TCF24: variants seen among roughly 807,000 people sequenced by gnomAD.
TCF24 encodes transcription factor 24.
A neutral mutation model predicts 9.3 loss-of-function variants in TCF24; 5 were observed. That is an observed-to-expected ratio of 0.54 (90% CI 0.28 to 1.13). The LOEUF is 1.13. TCF24 is among the 50% of genes most tolerant of loss of function. TCF24 has a pLI of 0.09. For synonymous variants in TCF24, 110 were observed against 115.8 expected (o/e 0.95, Z 0.32); for missense variants, 220 against 236.1 (o/e 0.93, Z 0.45).
At chr8:66,961,336 G>C (rs1380310955) in intron 3 of TCF24, 40 bp downstream of exon 3, 3 of 1,415,390 alleles carry the variant, frequency 2.1e-6, no homozygotes, top group Admixed American at 2.8e-5. Flanking sequence ...AAGGTGTCCT[G>C]GTCTCGGCCC....
Position 66,947,939 on chromosome 8 carries a change from CA to C in TCF24, c.*111del. On this transcript the variant is annotated 3_prime_UTR_variant, in exon 4 of 4. Coordinates refer to ENST00000563496, the MANE Select transcript of TCF24 (RefSeq NM_001193502.2). ...AAACCTGAACATCCAACTATGGGTT[CA>C]CATGTAAACTTTCAGAAATTTTGTT... The C allele has an allele frequency of 1.4e-6, 1 of 698,022 alleles. No individual in the cohort carries two copies. The highest frequency in any genetic ancestry group is 2.2e-6 in the Non-Finnish European group (1 of 444,664). 43.2% of individuals were successfully genotyped at this position (698,022 alleles called of 1,614,324 possible). A position where few individuals can be genotyped will look rare whatever the true frequency, so the allele number is the denominator to read the frequency against.
intron 3 of TCF24, among the ~76,000 whole-genome samples, chr8:66,954,333 G>A (rs1814112775): frequency 1.3e-5 from 2 of 151,844 alleles, no homozygotes; most frequent in African/African-American, 2.4e-5. Context: ...TCAGCTGCAG[G>A]TCTGTTGGAA....
intron 3 of TCF24, among the ~76,000 whole-genome samples, chr8:66,958,785 A>G (rs541155864): frequency 5.3e-5 from 8 of 152,242 alleles, no homozygotes; most frequent in Admixed American, 2.0e-4. Flanking sequence ...GCACAATAAT[A>G]AAGTCATCTG....
chr8:66,948,661 AT>A (rs1433531533), intron 3 of TCF24, among the ~76,000 whole-genome samples: 46 of 124,116 alleles, frequency 3.7e-4, no homozygotes, highest in African/African-American at 9.8e-4. Context: ...TCAACTATCT[AT>A]CTATCTATCT....
At position 66,947,494 on chromosome 8, in the gene TCF24, C is replaced by G. The variant is rs933562611; in HGVS notation, c.*557G>C. The G allele has an allele frequency of 1.3e-5, 2 of 152,284 alleles. No individual in the cohort carries two copies. Among genetic ancestry groups the G allele is most frequent in the Non-Finnish European group, 1.5e-5 (1 of 68,128 alleles). 9.4% of individuals were successfully genotyped at this position (152,284 alleles called of 1,614,324 possible). A position where few individuals can be genotyped will look rare whatever the true frequency, so the allele number is the denominator to read the frequency against. ...TCTAGGAAGGTGACCAAGCCCTGTC[C>G]TCTGAGCAAACCATTTCTAATACTC... is the stretch of plus-strand genomic sequence containing the variant. On this transcript the variant is annotated 3_prime_UTR_variant, in exon 4 of 4. Transcript: ENST00000563496.
intron 3 of TCF24, among the ~76,000 whole-genome samples, chr8:66,949,281 AGT>A (rs1814018737): frequency 1.3e-5 from 2 of 151,114 alleles, no homozygotes; most frequent in African/African-American, 4.9e-5. Flanking sequence ...CAGTCCCCAG[AGT>A]GTGATATTCC....
chr8:66,950,619 T>C (rs1814043825), intron 3 of TCF24, among the ~76,000 whole-genome samples: 1 of 152,168 alleles, frequency 6.6e-6, no homozygotes, highest in Non-Finnish European at 1.5e-5. Context: ...TTTTTCCAAT[T>C]CTGTGAAGAA....
At chr8:66,961,333 C>T (rs1278789439) in intron 3 of TCF24, 43 bp downstream of exon 3, 9 of 1,410,986 alleles carry the variant, frequency 6.4e-6, no homozygotes, top group African/African-American at 1.5e-5. Context: ...ATCAAGGTGT[C>T]CTGGTCTCGG....
rs1814252375 is a variant in TCF24, at chr8:66,961,480, T to C, written c.286A>G (p.Thr96Ala). ...CTGCGGGTGAGATGCGCGATGTAGG[T>C]GGTGGCCAGCAGCAGCACGTCCAGC... is the stretch of plus-strand genomic sequence containing the variant. Reference protein sequence around the residue: ...SKLDVLLLATTYIAHLTRSLQ... With the variant: ...SKLDVLLLATAYIAHLTRSLQ... The change falls in exon 3 of 4, where the codon ACC (threonine) becomes GCC (alanine). Residue 96 changes from threonine to alanine, a missense_variant. By Grantham distance (58) the Thr-to-Ala change is moderately conservative. Transcript: ENST00000563496. The C allele has an allele frequency of 6.5e-7, 1 of 1,527,844 alleles. No individual in the cohort carries two copies. Among genetic ancestry groups the C allele is most frequent in the Admixed American group, 2.0e-5 (1 of 50,562 alleles). The allele number at this position is 1,527,844 out of a possible 1,614,324, so 94.6% of individuals were successfully genotyped here.
chr8:66,948,968 T>G (rs1038330409), intron 3 of TCF24, among the ~76,000 whole-genome samples: 3 of 152,204 alleles, frequency 2.0e-5, no homozygotes, highest in African/African-American at 7.2e-5. Context: ...AGTGCTGGGA[T>G]TACAGGCGTG....
intron 3 of TCF24, among the ~76,000 whole-genome samples, chr8:66,960,094 G>T (rs1814228237): frequency 6.6e-6 from 1 of 152,038 alleles, no homozygotes; most frequent in South Asian, 2.1e-4. Context: ...CAAGTCAAAA[G>T]AAATTTAATA....
Position 66,946,901 on chromosome 8 carries a change from G to A in TCF24, c.*1150C>T, listed in dbSNP as rs1412545724. On this transcript the variant is annotated 3_prime_UTR_variant, in exon 4 of 4. Coordinates refer to ENST00000563496, the MANE Select transcript of TCF24 (RefSeq NM_001193502.2). Reference sequence around the variant, plus strand: ...AAATCATTTTTCTGAAATTCTTGCTGTTAAATTTAGTGTTTACAATTCAGT... The same window carrying A: ...AAATCATTTTTCTGAAATTCTTGCTATTAAATTTAGTGTTTACAATTCAGT... 6.6e-6 allele frequency: 1 copy of A among 152,104 alleles called. No homozygotes were observed. The highest frequency in any genetic ancestry group is 1.5e-5 in the Non-Finnish European group (1 of 68,010). The allele number at this position is 152,104 out of a possible 1,614,324, so 9.4% of individuals were successfully genotyped here. A position where few individuals can be genotyped will look rare whatever the true frequency, so the allele number is the denominator to read the frequency against.
chr8:66,957,371 C>G (rs530253193), intron 3 of TCF24, among the ~76,000 whole-genome samples: 35 of 143,994 alleles, frequency 2.4e-4, no homozygotes, highest in Middle Eastern at 7.4e-3. Context: ...GAGCCGAGAT[C>G]ACACCACTGC....
chr8:66,961,770 G>C lies in TCF24; in HGVS notation c.-5C>G, dbSNP rs112717882. 0.024 allele frequency: 26,440 copies of C among 1,110,632 alleles called. 369 individuals carry two copies. Among genetic ancestry groups the C allele is most frequent in the Non-Finnish European group, 0.027 (24,438 of 910,524 alleles). 68.8% of individuals were successfully genotyped at this position (1,110,632 alleles called of 1,614,324 possible). A position where few individuals can be genotyped will look rare whatever the true frequency, so the allele number is the denominator to read the frequency against. ...CGCTGGGCGGCCGCGGTCCATGGCAGCTTCCCGCGCCGCGCGCGCTGCAAA... is the reference window on the plus strand; with the variant it reads ...CGCTGGGCGGCCGCGGTCCATGGCACCTTCCCGCGCCGCGCGCGCTGCAAA... On this transcript the variant is annotated 5_prime_UTR_variant, in exon 3 of 4. Coordinates refer to ENST00000563496, the MANE Select transcript of TCF24 (RefSeq NM_001193502.2).
Position 66,962,364 on chromosome 8 carries a change from C to G in TCF24, c.-170G>C, listed in dbSNP as rs139231353. ...GCGGCTGAGTGGAGCTCCGCTCCGT[C>G]GTGAGGGCGGGCGAGGGGCGTGGAG... On this transcript the variant is annotated 5_prime_UTR_variant, in exon 1 of 4. Transcript: ENST00000563496. 0.02 allele frequency: 3,056 copies of G among 152,928 alleles called. 59 individuals carry two copies. Among genetic ancestry groups the G allele is most frequent in the Admixed American group, 0.051 (775 of 15,312 alleles). 9.5% of individuals were successfully genotyped at this position (152,928 alleles called of 1,614,324 possible).
chr8:66,962,094 T>C (rs1814268062), intron 1 of TCF24, 107 bp from the exon 2 acceptor site: 1 of 152,798 alleles, frequency 6.5e-6, no homozygotes, highest in Admixed American at 6.5e-5. Context: ...CAGCTCAGGA[T>C]CAGCACTCGT....
At chr8:66,961,205 C>T (rs1349814631) in intron 3 of TCF24, among the ~76,000 whole-genome samples, 171 bp downstream of exon 3, 1 of 152,212 alleles carries the variant, frequency 6.6e-6, no homozygotes, top group Non-Finnish European at 1.5e-5. Context: ...AGCCGGCTTT[C>T]GCGGCGGGGA....
intron 3 of TCF24, among the ~76,000 whole-genome samples, chr8:66,953,888 T>C (rs201671528): frequency 1.1e-4 from 17 of 151,914 alleles, no homozygotes; most frequent in South Asian, 4.2e-4. Flanking sequence ...TTGATCGCAT[T>C]GGCTCCTGAG....
chr8:66,951,945 C>CT (rs1447315501), intron 3 of TCF24, among the ~76,000 whole-genome samples: 9 of 145,854 alleles, frequency 6.2e-5, no homozygotes, highest in African/African-American at 2.0e-4. Flanking sequence ...GTGATATCCC[C>CT]TTTATCATTT....
Sources: allele counts gnomAD v4.1 joint callset (sites outside exome capture counted in the v4.1 genomes callset), GRCh38; gene constraint gnomAD v4.1.1; transcripts MANE v1.5; gene names NCBI Gene and HGNC (gene_info 2026-07-23, HGNC 2026-07-21).